The following FRMD4A variants were observed in gnomAD, a reference collection of about 807,000 sequenced individuals.
FRMD4A encodes the protein FERM domain-containing protein 4A.
In FRMD4A, 29 loss-of-function variants were observed where a neutral mutation model predicts 129.1. That is an observed-to-expected ratio of 0.22 (90% CI 0.17 to 0.31). FRMD4A has a LOEUF of 0.31. Among genes scored for constraint, FRMD4A ranks in the 10% least tolerant of loss-of-function variants. The probability of loss-of-function intolerance (pLI) is 1.00; values close to 1 mark genes in which losing one functional copy is unlikely to be tolerated. For missense variants in FRMD4A, 1,272 were observed against 1,375.8 expected, an observed-to-expected ratio of 0.92 and a Z score of 1.19; for synonymous variants, 634 against 571.6, an observed-to-expected ratio of 1.11 and a Z score of -1.56.
rs1455320660 is a variant in FRMD4A, at chr10:14,197,374, G to GT, written c.45+132683dup. 3.3e-5 allele frequency among the ~76,000 whole-genome samples: 5 copies of GT among 152,108 alleles called. No individual in the cohort carries two copies. In the East Asian group the frequency reaches 5.8e-4, roughly 18 times the overall value. On this transcript the variant is annotated intron_variant, in intron 2 of 24. Coordinates refer to ENST00000357447, the MANE Select transcript of FRMD4A (RefSeq NM_018027.5). Reference sequence around the variant, plus strand: ...ACAAGCAGGATATACGATCACTCTAGTTTTTTTATTTTTTATATTTTACTT... The same window carrying GT: ...ACAAGCAGGATATACGATCACTCTAGTTTTTTTTATTTTTTATATTTTACTT...
At chr10:13,797,728 C>T (rs1331292626) in intron 4 of FRMD4A, among the ~76,000 whole-genome samples, 3 of 152,172 alleles carry the variant, frequency 2.0e-5, no homozygotes, top group East Asian at 1.9e-4. Flanking sequence ...GCATTTCCCC[C>T]GTAGCTAATG....
At chr10:13,780,220 G>A (rs954963437) in intron 6 of FRMD4A, among the ~76,000 whole-genome samples, 10 of 152,026 alleles carry the variant, frequency 6.6e-5, no homozygotes, top group African/African-American at 1.9e-4. Flanking sequence ...CCAGTTACTC[G>A]GGAGGCTGAG....
At chr10:13,912,538 T>G (rs2094952855) in intron 2 of FRMD4A, among the ~76,000 whole-genome samples, 2 of 148,098 alleles carry the variant, frequency 1.4e-5, no homozygotes, top group East Asian at 4.0e-4. Context: ...TTTTTTTTTT[T>G]TTTTTTTTGA....
At chr10:13,957,046 G>C (rs2095413698) in intron 2 of FRMD4A, among the ~76,000 whole-genome samples, 1 of 152,160 alleles carries the variant, frequency 6.6e-6, no homozygotes, top group African/African-American at 2.4e-5. Flanking sequence ...TTAGAAAGTC[G>C]TGAAAGGCGT....
chr10:14,223,600 G>A (rs1053979943), intron 2 of FRMD4A, among the ~76,000 whole-genome samples: 21 of 152,182 alleles, frequency 1.4e-4, no homozygotes, highest in Middle Eastern at 3.4e-3. Flanking sequence ...AATTAGCCAG[G>A]CATGGAGGCA....
chr10:14,181,052 G>A (rs761214280), intron 2 of FRMD4A, among the ~76,000 whole-genome samples: 1 of 152,182 alleles, frequency 6.6e-6, no homozygotes, highest in Non-Finnish European at 1.5e-5. Context: ...AAAGTTATCA[G>A]CAATCGGTAC....
At chr10:14,080,529 A>C (rs1028569333) in intron 2 of FRMD4A, among the ~76,000 whole-genome samples, 1 of 152,010 alleles carries the variant, frequency 6.6e-6, no homozygotes, top group Non-Finnish European at 1.5e-5. Context: ...AGGCCATGTG[A>C]GTGCTCCAGC....
chr10:14,266,860 T>C (rs533981848), intron 2 of FRMD4A, among the ~76,000 whole-genome samples: 1 of 152,318 alleles, frequency 6.6e-6, no homozygotes, highest in South Asian at 2.1e-4. Context: ...TATATAAAAA[T>C]ACATAGAGTA....
intron 2 of FRMD4A, among the ~76,000 whole-genome samples, chr10:14,056,418 G>A (rs945638220): frequency 6.6e-6 from 1 of 151,020 alleles, no homozygotes; most frequent in Non-Finnish European, 1.5e-5. Context: ...AAAATTTAAA[G>A]TTTTTTCCCC....
rs375356403 is a variant in FRMD4A at position 13,714,033 on chromosome 10, T to TA, written c.760-6921dup. On this transcript the variant is annotated intron_variant, in intron 12 of 24. Coordinates refer to ENST00000357447, the MANE Select transcript of FRMD4A (RefSeq NM_018027.5). ...TATACATATATAAAATATACATATA[T>TA]ATATATATATATATATATATATATA... Among the ~76,000 whole-genome samples, 223 of 24,244 alleles carry TA rather than the reference T, an allele frequency of 9.2e-3. 46 individuals are homozygous for TA. The highest frequency in any genetic ancestry group is 0.031 in the African/African-American group (187 of 6,112). 15.9% of individuals were successfully genotyped at this position (24,244 alleles called of 152,430 possible).
At chr10:14,242,573 A>T (rs957556223) in intron 2 of FRMD4A, among the ~76,000 whole-genome samples, 57 of 152,370 alleles carry the variant, frequency 3.7e-4, no homozygotes, top group Admixed American at 3.5e-3. Context: ...CTTTGTAAGG[A>T]TTTAAACCTA....
chr10:13,766,902 G>A (rs183844343), intron 6 of FRMD4A, among the ~76,000 whole-genome samples: 48 of 152,178 alleles, frequency 3.2e-4, no homozygotes, highest in Admixed American at 2.4e-3. Flanking sequence ...GTGAAACCCC[G>A]TCTCTACTAA....
intron 2 of FRMD4A, among the ~76,000 whole-genome samples, chr10:14,287,225 T>C (rs570610021): frequency 4.6e-4 from 70 of 152,140 alleles, no homozygotes; most frequent in Non-Finnish European, 8.8e-4. Context: ...CTCTTCCTCT[T>C]CCGTGTTTCT....
chr10:14,312,514 C>A (rs1252280966), intron 2 of FRMD4A, among the ~76,000 whole-genome samples: 1 of 152,164 alleles, frequency 6.6e-6, no homozygotes, highest in East Asian at 1.9e-4. Flanking sequence ...CTACATTATA[C>A]ACAAGCCATA....
chr10:13,754,567 CGTGTGTGTGTGTGTGTGTGT>C (rs56304219), intron 8 of FRMD4A, among the ~76,000 whole-genome samples: 3 of 147,886 alleles, frequency 2.0e-5, no homozygotes, highest in African/African-American at 5.0e-5. Context: ...ACAATTCTTT[CGTGTGTGTGTGTGTGTGTGT>C]GTGTGTGTGT....
intron 2 of FRMD4A, among the ~76,000 whole-genome samples, chr10:14,171,418 A>G (rs1432240069): frequency 6.6e-6 from 1 of 152,208 alleles, no homozygotes; most frequent in East Asian, 1.9e-4. Flanking sequence ...AAAGCTGTGC[A>G]ATGGCTGTGT....
intron 2 of FRMD4A, among the ~76,000 whole-genome samples, chr10:14,127,014 GGAGCTTA>G (rs1838881315): frequency 6.6e-6 from 1 of 152,176 alleles, no homozygotes; most frequent in African/African-American, 2.4e-5. Context: ...CTGCCCTTAT[GGAGCTTA>G]GAGTCTAATA....
intron 2 of FRMD4A, among the ~76,000 whole-genome samples, chr10:14,122,196 C>T (rs994076515): frequency 5.9e-5 from 9 of 152,040 alleles, no homozygotes; most frequent in Admixed American, 2.6e-4. Context: ...GGGGATTAAA[C>T]GAGAAAATGC....
chr10:13,971,693 A>T, intron 2 of FRMD4A: 1 of 1,304,280 alleles, frequency 7.7e-7, no homozygotes, highest in East Asian at 5.6e-5. Context: ...TGGTTTTAGC[A>T]GCAGCTGCAG....
Sources: gnomAD v4.1 joint callset for allele counts (sites outside exome capture counted in the v4.1 genomes callset) on GRCh38, gnomAD v4.1.1 for gene constraint, MANE v1.5 for transcripts, NCBI Gene and HGNC (gene_info 2026-07-23, HGNC 2026-07-21) for gene names.